GPHN: variants seen among roughly 807,000 people sequenced by gnomAD.
GPHN encodes gephyrin.
GPHN carries 17 observed loss-of-function variants against 95.5 expected under a neutral mutation model. That is an observed-to-expected ratio of 0.18 (90% CI 0.12 to 0.27). The LOEUF (loss-of-function observed/expected upper bound fraction) is 0.27. Ranked by LOEUF, GPHN falls within the 10% of genes least tolerant of loss-of-function variation. The probability of loss-of-function intolerance (pLI) is 1.00; values close to 1 mark genes in which losing one functional copy is unlikely to be tolerated. For synonymous variants in GPHN, 320 were observed against 322.5 expected (o/e 0.99, Z 0.08); for missense variants, 660 against 978.1 (o/e 0.67, Z 4.34).
the GPHN span, among the ~76,000 whole-genome samples, chr14:67,486,171 C>T: frequency 1.3e-5 from 2 of 152,236 alleles, no homozygotes; most frequent in Admixed American, 6.5e-5. Flanking sequence ...TGAATTTCCA[C>T]CATGTTGTGG....
the GPHN span, among the ~76,000 whole-genome samples, chr14:67,284,779 C>T: frequency 6.6e-6 from 1 of 151,914 alleles, no homozygotes; most frequent in Non-Finnish European, 1.5e-5. Context: ...TTTCACTTAC[C>T]ATTATGTTTT....
At chr14:67,126,797 G>T (rs886672835) in intron 17 of GPHN, among the ~76,000 whole-genome samples, 1 of 151,564 alleles carries the variant, frequency 6.6e-6, no homozygotes, top group African/African-American at 2.4e-5. Flanking sequence ...ACATGCACAC[G>T]TATGTTTATT....
chr14:66,932,454 T>TTG (rs1555444705), intron 8 of GPHN, among the ~76,000 whole-genome samples: 1 of 109,798 alleles, frequency 9.1e-6, no homozygotes, highest in African/African-American at 3.3e-5. Context: ...GTTTTTTTTT[T>TTG]TTTTTTTTTT....
intron 1 of GPHN, among the ~76,000 whole-genome samples, chr14:66,581,370 C>A (rs10143929): frequency 0.25 from 38,319 of 151,570 alleles, 9,764 homozygotes; most frequent in African/African-American, 0.62. Flanking sequence ...TTCATGTAAA[C>A]CTCTTGATCA....
chr14:67,408,287 AAAATAAAT>A, the GPHN span, among the ~76,000 whole-genome samples: 1 of 144,940 alleles, frequency 6.9e-6, no homozygotes, highest in Non-Finnish European at 1.5e-5. Context: ...ATTCGGTCTC[AAAATAAAT>A]AAATAAAATA....
At chr14:67,380,985 A>G in the GPHN span, among the ~76,000 whole-genome samples, 1 of 152,154 alleles carries the variant, frequency 6.6e-6, no homozygotes, top group South Asian at 2.1e-4. Context: ...CAGCTAACCT[A>G]AAGGTAGCCC....
chr14:67,728,908 T>C, the GPHN span, among the ~76,000 whole-genome samples: 2 of 152,232 alleles, frequency 1.3e-5, no homozygotes, highest in Non-Finnish European at 2.9e-5. Context: ...TTGTCATGTT[T>C]ATTAGTAGTA....
intron 3 of GPHN, among the ~76,000 whole-genome samples, chr14:66,782,315 C>CT (rs1280811019): frequency 2.0e-5 from 3 of 152,084 alleles, no homozygotes; most frequent in Non-Finnish European, 4.4e-5. Context: ...GATTATAGTG[C>CT]TTTTTTAGCA....
chr14:67,733,182 C>G, the GPHN span, among the ~76,000 whole-genome samples: 1 of 152,062 alleles, frequency 6.6e-6, no homozygotes, highest in African/African-American at 2.4e-5. Flanking sequence ...GCTCCCACCC[C>G]CTATCCCTCT....
At chr14:67,659,997 T>C in the GPHN span, 1 of 1,372,586 alleles carries the variant, frequency 7.3e-7, no homozygotes, top group Non-Finnish European at 1.0e-6. Flanking sequence ...TAGTTTGGAC[T>C]AATCAAACTA....
chr14:66,632,935 C>T (rs2063899739), intron 1 of GPHN, among the ~76,000 whole-genome samples: 1 of 152,170 alleles, frequency 6.6e-6, no homozygotes, highest in South Asian at 2.1e-4. Flanking sequence ...ACCATCCATT[C>T]CATCCAGTTT....
At chr14:67,657,675 C>T in the GPHN span, among the ~76,000 whole-genome samples, 1 of 151,944 alleles carries the variant, frequency 6.6e-6, no homozygotes, top group Admixed American at 6.6e-5. Context: ...AGCAAGTGAC[C>T]ACTGGCAGTA....
At chr14:66,913,482 C>T (rs1246694441) in intron 5 of GPHN, among the ~76,000 whole-genome samples, 1 of 152,116 alleles carries the variant, frequency 6.6e-6, no homozygotes, top group East Asian at 1.9e-4. Flanking sequence ...GCTAGGATTA[C>T]AGGAACCTGC....
At chr14:66,971,359 T>C (rs1170785488) in intron 9 of GPHN, among the ~76,000 whole-genome samples, 1 of 152,196 alleles carries the variant, frequency 6.6e-6, no homozygotes, top group Non-Finnish European at 1.5e-5. Context: ...AGCCTTTACA[T>C]GTTAACATAA....
At chr14:67,131,281 G>A (rs2079690983) in intron 17 of GPHN, among the ~76,000 whole-genome samples, 1 of 151,804 alleles carries the variant, frequency 6.6e-6, no homozygotes, top group Middle Eastern at 3.2e-3. Flanking sequence ...AAACAGGGTG[G>A]AAAAAGGATT....
At chr14:67,056,933 C>T (rs1298530998) in intron 10 of GPHN, among the ~76,000 whole-genome samples, 1 of 152,210 alleles carries the variant, frequency 6.6e-6, no homozygotes, top group African/African-American at 2.4e-5. Context: ...GGAGACCCAG[C>T]ACACCCTCCG....
the GPHN span, among the ~76,000 whole-genome samples, chr14:67,356,980 G>T: frequency 2.8e-3 from 431 of 152,274 alleles, 8 homozygotes; most frequent in Admixed American, 0.027. Context: ...TGATAAAATT[G>T]AATTTACCAT....
At chr14:67,580,987 C>T in the GPHN span, 1 of 1,613,676 alleles carries the variant, frequency 6.2e-7, no homozygotes, top group Non-Finnish European at 8.5e-7. Flanking sequence ...GAGCTGCACC[C>T]CGGAAAGTCT....
At chr14:67,250,192 A>C in the GPHN span, among the ~76,000 whole-genome samples, 1 of 151,966 alleles carries the variant, frequency 6.6e-6, no homozygotes, top group Admixed American at 6.6e-5. Flanking sequence ...TCAGCCACCC[A>C]CTCTTCCTTC....
Sources: allele counts gnomAD v4.1 joint callset (sites outside exome capture counted in the v4.1 genomes callset), GRCh38; gene constraint gnomAD v4.1.1; transcripts MANE v1.5; gene names NCBI Gene and HGNC (gene_info 2026-07-23, HGNC 2026-07-21).